The following PDGFC variants were observed in gnomAD, a reference collection of about 807,000 sequenced individuals.
The protein encoded by PDGFC is platelet derived growth factor C, also known as platelet-derived growth factor C.
Under a neutral mutation model 35.5 loss-of-function variants are expected in PDGFC, and 12 were observed. The ratio of observed to expected loss-of-function variants is 0.34; its 90% CI spans 0.22 to 0.55. PDGFC has a LOEUF of 0.55. Ranked by LOEUF, PDGFC falls within the 20% of genes least tolerant of loss-of-function variation. The pLI is 0.91. For synonymous variants in PDGFC, 159 were observed against 148.8 expected, an observed-to-expected ratio of 1.07 and a Z score of -0.50; for missense variants, 322 against 412.4, an observed-to-expected ratio of 0.78 and a Z score of 1.90.
intron 1 of PDGFC, among the ~76,000 whole-genome samples, chr4:156,952,746 T>C (rs1328424573): frequency 6.6e-6 from 1 of 151,900 alleles, no homozygotes; most frequent in Non-Finnish European, 1.5e-5. Flanking sequence ...GTAAATTTCC[T>C]TGGTATTGTT....
chr4:156,837,915 T>C (rs569195139), intron 2 of PDGFC, among the ~76,000 whole-genome samples: 12 of 152,170 alleles, frequency 7.9e-5, no homozygotes, highest in African/African-American at 2.6e-4. Context: ...AAGAGCAGAA[T>C]CCCTTGATCT....
chr4:156,861,185 A>G (rs1466006719), intron 1 of PDGFC, among the ~76,000 whole-genome samples: 1 of 152,102 alleles, frequency 6.6e-6, no homozygotes. Context: ...GTAAGAGGGC[A>G]TTGGAATGAC....
chr4:156,895,128 T>C (rs1475435967), intron 1 of PDGFC, among the ~76,000 whole-genome samples: 3 of 152,178 alleles, frequency 2.0e-5, no homozygotes, highest in Non-Finnish European at 4.4e-5. Context: ...AGGATGACTA[T>C]GTAAGTTACT....
chr4:156,837,591 A>G (rs1729093308), intron 2 of PDGFC, among the ~76,000 whole-genome samples: 1 of 152,200 alleles, frequency 6.6e-6, no homozygotes, highest in Non-Finnish European at 1.5e-5. Context: ...CAATTATGGA[A>G]AGTAAGGGCA....
chr4:156,788,799 A>C (rs950208272), intron 3 of PDGFC, among the ~76,000 whole-genome samples: 3 of 152,182 alleles, frequency 2.0e-5, no homozygotes, highest in Non-Finnish European at 2.9e-5. Context: ...TATCTTGCTA[A>C]ATGTCTTCCT....
At chr4:156,803,353 T>C (rs1731667827) in intron 3 of PDGFC, among the ~76,000 whole-genome samples, 1 of 152,104 alleles carries the variant, frequency 6.6e-6, no homozygotes, top group Admixed American at 6.6e-5. Context: ...GGCTCAGCTG[T>C]GAAAAATGAC....
intron 1 of PDGFC, among the ~76,000 whole-genome samples, chr4:156,931,506 C>A (rs1731549682): frequency 6.6e-6 from 1 of 152,140 alleles, no homozygotes; most frequent in Admixed American, 6.5e-5. Flanking sequence ...CAGTGATTCT[C>A]TTTCATAACT....
intron 1 of PDGFC, among the ~76,000 whole-genome samples, chr4:156,944,152 T>C (rs1731879544): frequency 6.6e-6 from 1 of 152,126 alleles, no homozygotes; most frequent in Non-Finnish European, 1.5e-5. Flanking sequence ...GAAAACCACA[T>C]GACCTTGGCT....
At chr4:156,904,493 T>C (rs1210957893) in intron 1 of PDGFC, among the ~76,000 whole-genome samples, 3 of 152,190 alleles carry the variant, frequency 2.0e-5, no homozygotes, top group South Asian at 2.1e-4. Flanking sequence ...ATAATAAAAA[T>C]AGCCTTCATT....
chr4:156,844,769 A>C (rs1193789091), intron 2 of PDGFC, among the ~76,000 whole-genome samples: 1 of 152,100 alleles, frequency 6.6e-6, no homozygotes, highest in Non-Finnish European at 1.5e-5. Flanking sequence ...GTATGCATCA[A>C]CTAACATAAT....
chr4:156,943,300 C>T (rs1467894620), intron 1 of PDGFC, among the ~76,000 whole-genome samples: 2 of 152,070 alleles, frequency 1.3e-5, no homozygotes, highest in African/African-American at 4.8e-5. Flanking sequence ...CTGGTATCAA[C>T]CTTGATATTA....
At chr4:156,875,723 G>C (rs2111156849) in intron 1 of PDGFC, among the ~76,000 whole-genome samples, 1 of 152,214 alleles carries the variant, frequency 6.6e-6, no homozygotes, top group African/African-American at 2.4e-5. Flanking sequence ...TTTGAGAACA[G>C]ACTGGCCAAC....
intron 1 of PDGFC, among the ~76,000 whole-genome samples, chr4:156,927,903 A>C (rs1731452337): frequency 6.6e-6 from 1 of 152,194 alleles, no homozygotes; most frequent in African/African-American, 2.4e-5. Context: ...TGATAAAGAC[A>C]TACTCAAGAC....
At chr4:156,802,023 C>T (rs1243237472) in intron 3 of PDGFC, among the ~76,000 whole-genome samples, 1 of 152,130 alleles carries the variant, frequency 6.6e-6, no homozygotes, top group Non-Finnish European at 1.5e-5. Context: ...TGTCTATTTT[C>T]CTACCTGCCC....
At chr4:156,866,212 T>G (rs966359141) in intron 1 of PDGFC, among the ~76,000 whole-genome samples, 2 of 152,144 alleles carry the variant, frequency 1.3e-5, no homozygotes, top group Admixed American at 1.3e-4. Flanking sequence ...CAGTGTTTGG[T>G]TTTTTGTCCT....
intron 1 of PDGFC, among the ~76,000 whole-genome samples, chr4:156,923,162 C>A (rs1353292562): frequency 6.6e-6 from 1 of 152,080 alleles, no homozygotes; most frequent in Non-Finnish European, 1.5e-5. Context: ...CCCTTGCTAG[C>A]CTCTCCAGTT....
At chr4:156,931,322 C>A (rs776805259) in intron 1 of PDGFC, among the ~76,000 whole-genome samples, 3 of 152,084 alleles carry the variant, frequency 2.0e-5, no homozygotes, top group African/African-American at 7.2e-5. Context: ...GTTAAGAGTG[C>A]CTCCAAGCTA....
intron 1 of PDGFC, among the ~76,000 whole-genome samples, chr4:156,920,924 C>T (rs1334860614): frequency 6.6e-6 from 1 of 152,058 alleles, no homozygotes; most frequent in Non-Finnish European, 1.5e-5. Context: ...AATTTCACTA[C>T]ATAATCAAGT....
At chr4:156,954,486 G>C (rs569532747) in intron 1 of PDGFC, among the ~76,000 whole-genome samples, 64 of 151,796 alleles carry the variant, frequency 4.2e-4, no homozygotes, top group African/African-American at 1.4e-3. Context: ...GAGCAAAAGG[G>C]GAAATAATTC....
Sources: gnomAD v4.1 joint callset for allele counts (sites outside exome capture counted in the v4.1 genomes callset) on GRCh38, gnomAD v4.1.1 for gene constraint, MANE v1.5 for transcripts, NCBI Gene and HGNC (gene_info 2026-07-23, HGNC 2026-07-21) for gene names.